EHBP1: variants seen among roughly 807,000 people sequenced by gnomAD.
EHBP1 encodes the protein EH domain binding protein 1.
EHBP1 carries 55 observed loss-of-function variants against 144.0 expected under a neutral mutation model. The ratio of observed to expected loss-of-function variants is 0.38; its 90% CI spans 0.31 to 0.48. EHBP1 has a LOEUF of 0.48. EHBP1 is among the 20% of genes least tolerant of loss of function. EHBP1 has a pLI of 0.98. For missense variants in EHBP1, 1,200 were observed against 1,364.2 expected (o/e 0.88, Z 1.90); for synonymous variants, 469 against 472.7 (o/e 0.99, Z 0.10).
At chr2:62,838,138 A>G (rs1285583827) in intron 7 of EHBP1, among the ~76,000 whole-genome samples, 3 of 151,624 alleles carry the variant, frequency 2.0e-5, no homozygotes, top group Admixed American at 6.6e-5. Flanking sequence ...ATAACAAACT[A>G]TCTCTCAGAC....
In EHBP1 at chr2:62,730,492, C is replaced by T. The variant is rs182299774; in HGVS notation, c.105-16903C>T. The stretch of plus-strand genomic sequence containing the variant: ...TGTGGCTTGATAGCTTATTTCTTTT[C>T]CATGAGTAAATAATATTCCATTGTC... On this transcript the variant is annotated intron_variant, in intron 2 of 22. Transcript: ENST00000431489. Among the ~76,000 whole-genome samples, 297 of 152,236 alleles carry T rather than the reference C, an allele frequency of 2.0e-3. 1 individual carries two copies. The highest frequency in any genetic ancestry group is 6.8e-3 in the African/African-American group (282 of 41,560).
At position 62,864,833 on chromosome 2, in the gene EHBP1, C is replaced by G; in HGVS notation, c.860C>G (p.Pro287Arg). The G allele has an allele frequency of 6.2e-7, 1 of 1,614,050 alleles. No individual in the cohort carries two copies. The highest frequency in any genetic ancestry group is 8.5e-7 in the Non-Finnish European group (1 of 1,179,986). Residue 287 changes from proline (P) to arginine (R), a missense_variant, in exon 9 of 23, where the codon CCA becomes CGA. Transcript: ENST00000431489. The part of the protein sequence containing the change: ...KEVQTPQYLN[P>R]FDEPEAFVTI... ...GTGCAGACTCCACAGTATTTGAACC[C>G]ATTCGATGAGCCAGAAGCATTTGTG...
chr2:62,992,341 T>C (rs1197498865), intron 16 of EHBP1, among the ~76,000 whole-genome samples: 1 of 152,220 alleles, frequency 6.6e-6, no homozygotes, highest in Non-Finnish European at 1.5e-5. Context: ...ATATTAATGA[T>C]AAATTCATTA....
rs78193886 is a variant in EHBP1 at position 62,684,028 on chromosome 2, G to A, written c.-296+9945G>A. ...AAAGAAGATCCCATGTTCTCAGAGT[G>A]GCCTGATCAAGTGTAAGTGCACACA... On this transcript the variant is annotated intron_variant, in intron 1 of 22. Transcript: ENST00000405015. 6.6e-3 allele frequency among the ~76,000 whole-genome samples: 1,010 copies of A among 152,252 alleles called. 10 individuals carry two copies. Among genetic ancestry groups the A allele is most frequent in the Non-Finnish European group, 9.5e-3 (648 of 68,014 alleles).
In EHBP1 at chr2:62,993,531, G is replaced by A. The variant is rs985226002; in HGVS notation, c.2735G>A (p.Ser912Asn). 1.3e-6 allele frequency: 2 copies of A among 1,581,390 alleles called. No individual in the cohort carries two copies. Among genetic ancestry groups the A allele is most frequent in the Admixed American group, 1.7e-5 (1 of 58,258 alleles). Residue 912 changes from serine (S) to asparagine (N), a missense_variant and splice_region_variant, in exon 17 of 23, where the codon AGT becomes AAT. Around this residue, in one of 6 missense-constraint regions of EHBP1, gnomAD observed 543 missense variants for 513.1 expected, o/e 1.06. Coordinates refer to ENST00000431489, the MANE Select transcript of EHBP1 (RefSeq NM_001142616.3). Reference sequence around the variant, plus strand: ...TACCATGTGTTGTTTTACGTTTAGAGTGGCACAGAAGATCTCCGGACTGAA... The same window carrying A: ...TACCATGTGTTGTTTTACGTTTAGAATGGCACAGAAGATCTCCGGACTGAA... Reference protein sequence around the residue: ...VTESSEQDMKSGTEDLRTERL... With the variant: ...VTESSEQDMKNGTEDLRTERL...
At chr2:62,992,451 C>G (rs2153223693) in intron 16 of EHBP1, among the ~76,000 whole-genome samples, 1 of 152,158 alleles carries the variant, frequency 6.6e-6, no homozygotes, top group Non-Finnish European at 1.5e-5. Context: ...ATATAGTAGT[C>G]TTTAAAGTTA....
intron 10 of EHBP1, among the ~76,000 whole-genome samples, chr2:62,906,085 A>G (rs979467576): frequency 6.0e-5 from 9 of 151,192 alleles, no homozygotes; most frequent in Non-Finnish European, 1.3e-4. Flanking sequence ...TAGCTTTCAC[A>G]TTTAGGTCTG....
chr2:62,944,160 C>T (rs555980370), intron 12 of EHBP1, among the ~76,000 whole-genome samples: 51 of 152,190 alleles, frequency 3.4e-4, no homozygotes, highest in Non-Finnish European at 6.3e-4. Context: ...AACTGTTGTG[C>T]CATAGTTGTT....
intron 14 of EHBP1, among the ~76,000 whole-genome samples, chr2:62,978,399 C>A (rs2058812124): frequency 6.6e-6 from 1 of 152,018 alleles, no homozygotes; most frequent in Admixed American, 6.6e-5. Flanking sequence ...GACGAGGTTT[C>A]ACCATGTTGG....
At chr2:63,026,761 A>G (rs1449563916) in intron 19 of EHBP1, among the ~76,000 whole-genome samples, 1 of 152,182 alleles carries the variant, frequency 6.6e-6, no homozygotes, top group East Asian at 1.9e-4. Context: ...ATACCAACCT[A>G]TAATTCAAGG....
chr2:62,972,448 A>G (rs2058541959), intron 14 of EHBP1, among the ~76,000 whole-genome samples: 1 of 152,202 alleles, frequency 6.6e-6, no homozygotes, highest in African/African-American at 2.4e-5. Flanking sequence ...AATGGAGCCT[A>G]CATATAAAAA....
chr2:62,919,641 T>C (rs562658402), intron 10 of EHBP1, among the ~76,000 whole-genome samples: 1 of 152,166 alleles, frequency 6.6e-6, no homozygotes, highest in Admixed American at 6.5e-5. Context: ...AAACAGAAAA[T>C]TGTGGCCCAT....
upstream of EHBP1, among the ~76,000 whole-genome samples, chr2:62,704,207 G>A (rs1177767294): frequency 2.6e-5 from 4 of 152,176 alleles, no homozygotes; most frequent in Non-Finnish European, 4.4e-5. Flanking sequence ...GAATTGACTA[G>A]CAAAATAAGC....
rs1348132427 is a variant in EHBP1, at chr2:62,706,914, CAT to C, written c.-274_-273del. On this transcript the variant is annotated 5_prime_UTR_variant, in exon 2 of 23. An upstream open reading frame in the 5' UTR gains an earlier in-frame stop. Transcript: ENST00000431489. ...CTTTTCAGCCCTCCAGAATACCCATCATATAGCCCCTGAGGTGGCATGGTGAT... is the reference window on the plus strand; with the variant it reads ...CTTTTCAGCCCTCCAGAATACCCATCATAGCCCCTGAGGTGGCATGGTGAT... 1 of 344,402 alleles carries C rather than the reference CAT, an allele frequency of 2.9e-6. No homozygotes were observed. Among genetic ancestry groups the C allele is most frequent in the East Asian group, 5.5e-5 (1 of 18,150 alleles). 21.3% of individuals were successfully genotyped at this position (344,402 alleles called of 1,614,324 possible). A position where few individuals can be genotyped will look rare whatever the true frequency, so the allele number is the denominator to read the frequency against.
intron 10 of EHBP1, among the ~76,000 whole-genome samples, chr2:62,934,635 T>A (rs1292784965): frequency 1.3e-5 from 2 of 152,196 alleles, no homozygotes; most frequent in African/African-American, 4.8e-5. Context: ...TGTGGACCAC[T>A]CTGCCTTACA....
intron 10 of EHBP1, among the ~76,000 whole-genome samples, chr2:62,927,937 CAGAT>C (rs1349060168): frequency 6.6e-6 from 1 of 151,886 alleles, no homozygotes; most frequent in Non-Finnish European, 1.5e-5. Flanking sequence ...AAATCAATAA[CAGAT>C]GGAAAACTGA....
At chr2:62,997,440 G>GTA (rs1205061603) in intron 19 of EHBP1, among the ~76,000 whole-genome samples, 1 of 149,542 alleles carries the variant, frequency 6.7e-6, no homozygotes, top group African/African-American at 2.5e-5. Flanking sequence ...GTGTGTGTGT[G>GTA]TGTGTGTGTG....
intron 10 of EHBP1, among the ~76,000 whole-genome samples, chr2:62,878,148 A>C (rs912814652): frequency 6.6e-6 from 1 of 152,244 alleles, no homozygotes; most frequent in Non-Finnish European, 1.5e-5. Flanking sequence ...AGACATTACC[A>C]CCAACCCCAT....
intron 7 of EHBP1, among the ~76,000 whole-genome samples, chr2:62,838,317 A>T (rs2047474429): frequency 6.6e-6 from 1 of 152,224 alleles, no homozygotes; most frequent in South Asian, 2.1e-4. Flanking sequence ...AACATACCAC[A>T]ATCTCTGGGA....
Sources: allele counts gnomAD v4.1 joint callset (sites outside exome capture counted in the v4.1 genomes callset), GRCh38; gene constraint gnomAD v4.1.1; regional missense constraint gnomAD v4.1.1; transcripts MANE v1.5; gene names NCBI Gene and HGNC (gene_info 2026-07-23, HGNC 2026-07-21).